SLC41A3: variants seen among roughly 807,000 people sequenced by gnomAD.
SLC41A3 encodes SLC41A1-like 2.
In SLC41A3, 44 loss-of-function variants were observed where a neutral mutation model predicts 45.4. The ratio of observed to expected loss-of-function variants is 0.97; its 90% CI spans 0.76 to 1.25. The LOEUF is 1.25. Ranked by LOEUF, SLC41A3 falls within the 50% of genes most tolerant of loss-of-function variation. SLC41A3 has a pLI of 0.00. For synonymous variants in SLC41A3, 256 were observed against 252.4 expected, an observed-to-expected ratio of 1.01 and a Z score of -0.13; for missense variants, 550 against 600.6, an observed-to-expected ratio of 0.92 and a Z score of 0.88.
chr3:126,091,171 A>C (rs1945482385), intron 1 of SLC41A3, among the ~76,000 whole-genome samples: 1 of 151,998 alleles, frequency 6.6e-6, no homozygotes, highest in South Asian at 2.1e-4. Context: ...CAGAAGATAG[A>C]CTCCATTTTA....
upstream of SLC41A3, among the ~76,000 whole-genome samples, chr3:126,088,094 TTAA>T (rs1362271704): frequency 6.6e-6 from 1 of 152,136 alleles, no homozygotes; most frequent in African/African-American, 2.4e-5. Context: ...TTCCTGTAAC[TTAA>T]TAATAGTTAT....
chr3:126,060,855 C>G (rs1187274955), intron 2 of SLC41A3, among the ~76,000 whole-genome samples: 1 of 152,220 alleles, frequency 6.6e-6, no homozygotes, highest in Non-Finnish European at 1.5e-5. Flanking sequence ...CACCCCACAG[C>G]CCACAGCATG....
intron 1 of SLC41A3, 115 bp from the exon 2 acceptor site, chr3:126,068,361 C>G: frequency 1.1e-6 from 1 of 943,730 alleles, no homozygotes; most frequent in African/African-American, 1.6e-5. Flanking sequence ...ATCCAACCCA[C>G]AGCCCTTACT....
intron 2 of SLC41A3, among the ~76,000 whole-genome samples, chr3:126,061,604 C>T (rs1944073829): frequency 6.6e-6 from 1 of 152,240 alleles, no homozygotes; most frequent in Admixed American, 6.5e-5. Flanking sequence ...GAACGAACTG[C>T]TGTGGCCCTC....
At chr3:126,042,772 T>A (rs372203173) in intron 3 of SLC41A3, among the ~76,000 whole-genome samples, 1 of 152,154 alleles carries the variant, frequency 6.6e-6, no homozygotes, top group Non-Finnish European at 1.5e-5. Context: ...AAAAATTCTT[T>A]ACAGAGGTTC....
chr3:126,048,965 T>C (rs768616120), intron 3 of SLC41A3, among the ~76,000 whole-genome samples: 2 of 152,148 alleles, frequency 1.3e-5, no homozygotes, highest in Non-Finnish European at 2.9e-5. Context: ...TCTACTGTTA[T>C]GATAATGTGT....
At position 126,026,386 on chromosome 3, in the gene SLC41A3, A is replaced by G. The variant is rs763570570; in HGVS notation, c.547T>C (p.Leu183=). The G allele has an allele frequency of 1.7e-5, 27 of 1,581,760 alleles. No homozygotes were observed. The Admixed American group carries it at 4.1e-4, about 24-fold the overall frequency. The change falls in exon 5 of 11, where the codon TTG becomes CTG. Residue 183 remains leucine, a synonymous_variant. Transcript: ENST00000360370. This position sits in a 1 kb window ranked among gnomAD's most constrained non-coding sequence, Gnocchi z 4.2. ...REEVDVAKVE[L]LCASSVLTAF... ...GTGAGGACACTGCTGGCACACAGCA[A>G]CTCCACCTTGGCGACATCCACTTCC...
At chr3:126,052,863 G>C (rs187958083) in intron 2 of SLC41A3, among the ~76,000 whole-genome samples, 11 of 152,188 alleles carry the variant, frequency 7.2e-5, no homozygotes, top group African/African-American at 2.7e-4. Flanking sequence ...TCCGCAGCTC[G>C]AGTACCCTTC....
At chr3:126,074,624 C>T (rs112012629) in intron 1 of SLC41A3, among the ~76,000 whole-genome samples, 170 of 151,886 alleles carry the variant, frequency 1.1e-3, no homozygotes, top group African/African-American at 3.9e-3. Context: ...GGTCAATACA[C>T]GAAAGTCAGT....
intron 4 of SLC41A3, among the ~76,000 whole-genome samples, chr3:126,029,990 T>C (rs1941673475): frequency 6.9e-6 from 1 of 145,158 alleles, no homozygotes; most frequent in Admixed American, 7.1e-5. Context: ...TAAGAAAAAC[T>C]GGATATCTAG....
Position 126,006,939 on chromosome 3 carries a change from C to T in SLC41A3, c.*77G>A. 2 of 1,593,700 alleles carry T rather than the reference C, an allele frequency of 1.3e-6. No individual in the cohort carries two copies. The highest frequency in any genetic ancestry group is 1.7e-6 in the Non-Finnish European group (2 of 1,168,876). ...GGGGTCAACCATCCCAAGGACCTGGCAAGGGAGAAACTGAATTCTGTATCC... is the reference window on the plus strand; with the variant it reads ...GGGGTCAACCATCCCAAGGACCTGGTAAGGGAGAAACTGAATTCTGTATCC... On this transcript the variant is annotated 3_prime_UTR_variant, in exon 11 of 11. Transcript: ENST00000360370.
chr3:126,038,492 T>C (rs948888548), intron 3 of SLC41A3, among the ~76,000 whole-genome samples: 1 of 152,214 alleles, frequency 6.6e-6, no homozygotes. Context: ...TCAAGGGAGA[T>C]TATTACGGAG....
At chr3:126,049,359 C>T (rs1262881672) in intron 3 of SLC41A3, among the ~76,000 whole-genome samples, 2 of 152,104 alleles carry the variant, frequency 1.3e-5, no homozygotes, top group South Asian at 4.2e-4. Flanking sequence ...TGATGGCACA[C>T]ACCTGTAATC....
chr3:126,080,668 A>C (rs748756818), intron 1 of SLC41A3, among the ~76,000 whole-genome samples: 2 of 152,350 alleles, frequency 1.3e-5, no homozygotes, highest in Admixed American at 6.5e-5. Flanking sequence ...AACTAAAAGC[A>C]AGCCAGATGC....
At chr3:126,029,372 C>CCG (rs1941626789) in intron 4 of SLC41A3, among the ~76,000 whole-genome samples, 1 of 151,338 alleles carries the variant, frequency 6.6e-6, no homozygotes, top group South Asian at 2.1e-4. Context: ...GCACTCCCTC[C>CCG]CCCACCACTC....
chr3:126,056,014 T>C (rs1282555214), intron 2 of SLC41A3, among the ~76,000 whole-genome samples: 1 of 152,012 alleles, frequency 6.6e-6, no homozygotes, highest in East Asian at 1.9e-4. Flanking sequence ...GGCAGAACAG[T>C]GTGACTAAAA....
At chr3:126,057,308 C>T (rs1943733989) in intron 2 of SLC41A3, among the ~76,000 whole-genome samples, 2 of 152,186 alleles carry the variant, frequency 1.3e-5, no homozygotes, top group Non-Finnish European at 2.9e-5. Flanking sequence ...TCCAAAGTGG[C>T]CTCGCTTTCT....
At chr3:126,032,965 G>A (rs893631980) in intron 4 of SLC41A3, among the ~76,000 whole-genome samples, 12 of 152,122 alleles carry the variant, frequency 7.9e-5, no homozygotes, top group African/African-American at 2.9e-4. Context: ...TTGCCTCTGA[G>A]CCAATCTTTT....
chr3:126,044,125 G>T (rs1012643035), intron 3 of SLC41A3, among the ~76,000 whole-genome samples: 1 of 152,218 alleles, frequency 6.6e-6, no homozygotes, highest in African/African-American at 2.4e-5. Flanking sequence ...CATGCGAAGA[G>T]TAGCAAAAGA....
Sources: allele counts gnomAD v4.1 joint callset (sites outside exome capture counted in the v4.1 genomes callset), GRCh38; gene constraint gnomAD v4.1.1; non-coding constraint Gnocchi (gnomAD v3.1); transcripts MANE v1.5; gene names NCBI Gene and HGNC (gene_info 2026-07-23, HGNC 2026-07-21).